The following TENM2 variants were observed in gnomAD, a reference collection of about 807,000 sequenced individuals.
The protein encoded by TENM2 is teneurin transmembrane protein 2.
TENM2 carries 52 observed loss-of-function variants against 245.2 expected under a neutral mutation model. The observed-to-expected ratio is 0.21, with a 90% CI of 0.17 to 0.27. The LOEUF (loss-of-function observed/expected upper bound fraction) is 0.27. Ranked by LOEUF, TENM2 falls within the 10% of genes least tolerant of loss-of-function variation. TENM2 has a pLI of 1.00. For synonymous variants in TENM2, 1,363 were observed against 1,438.9 expected (o/e 0.95, Z 1.19); for missense variants, 3,046 against 3,666.8 (o/e 0.83, Z 4.37).
chr5:167,603,713 A>G (rs1174625638), intron 2 of TENM2, among the ~76,000 whole-genome samples: 1 of 152,158 alleles, frequency 6.6e-6, no homozygotes, highest in African/African-American at 2.4e-5. Context: ...AGTCTTTAAG[A>G]TCATAGAATC....
the TENM2 span, among the ~76,000 whole-genome samples, chr5:167,278,137 C>A: frequency 6.6e-6 from 1 of 151,848 alleles, no homozygotes; most frequent in Non-Finnish European, 1.5e-5. Context: ...AATTCCATCT[C>A]CATAAAAAAT....
At chr5:167,062,519 G>T in the TENM2 span, among the ~76,000 whole-genome samples, 1,123 of 147,846 alleles carry the variant, frequency 7.6e-3, 6 homozygotes, top group African/African-American at 0.027. Flanking sequence ...AAAAATCTGT[G>T]TCTGGTGAAA....
intron 2 of TENM2, among the ~76,000 whole-genome samples, chr5:167,534,357 T>G (rs995907816): frequency 3.3e-5 from 5 of 152,168 alleles, no homozygotes; most frequent in African/African-American, 1.2e-4. Flanking sequence ...ACCACTTTAA[T>G]GGACTGCAAA....
chr5:167,689,663 G>A (rs922746102), intron 2 of TENM2, among the ~76,000 whole-genome samples: 28 of 152,328 alleles, frequency 1.8e-4, no homozygotes, highest in African/African-American at 6.0e-4. Flanking sequence ...GAAGACTAGC[G>A]TAGCTGGAAT....
chr5:167,088,395 G>A, the TENM2 span, among the ~76,000 whole-genome samples: 1 of 152,126 alleles, frequency 6.6e-6, no homozygotes, highest in Admixed American at 6.5e-5. Flanking sequence ...GGGAGGCTGA[G>A]GATGGTGGAT....
At chr5:167,224,504 G>T in the TENM2 span, among the ~76,000 whole-genome samples, 1 of 151,946 alleles carries the variant, frequency 6.6e-6, no homozygotes, top group Non-Finnish European at 1.5e-5. Context: ...CTGTAAGTAT[G>T]TGGGCTTATT....
At chr5:167,114,377 GGAAA>G in the TENM2 span, among the ~76,000 whole-genome samples, 5 of 152,038 alleles carry the variant, frequency 3.3e-5, no homozygotes, top group African/African-American at 9.7e-5. Context: ...GTGAAAAATC[GGAAA>G]GAGTTAATTC....
rs572714819 is a variant in TENM2 at position 167,629,607 on chromosome 5, T to C, written c.503-246379T>C. Among the ~76,000 whole-genome samples the C allele has an allele frequency of 6.6e-5, 10 of 152,298 alleles. No homozygotes were observed. The East Asian group carries it at 1.5e-3, about 24-fold the overall frequency. On this transcript the variant is annotated intron_variant, in intron 2 of 28. Coordinates refer to ENST00000518659, the Ensembl canonical transcript of TENM2. The stretch of plus-strand genomic sequence containing the variant: ...CTTCACACTAGAACATAAAGCAAGA[T>C]AGTGTTTTCAAACTCTGAACACTTT...
chr5:167,940,036 T>A (rs2151761170), intron 3 of TENM2, among the ~76,000 whole-genome samples: 1 of 152,240 alleles, frequency 6.6e-6, no homozygotes, highest in African/African-American at 2.4e-5. Context: ...GCATTTGTTG[T>A]CGTGTTTGGA....
intron 26 of TENM2, among the ~76,000 whole-genome samples, chr5:168,246,217 T>C (rs1448096531): frequency 2.0e-5 from 3 of 147,414 alleles, no homozygotes; most frequent in African/African-American, 7.5e-5. Flanking sequence ...GCCTGGGTGA[T>C]GGAGTGAGAC....
chr5:167,764,800 T>C (rs139643333), intron 2 of TENM2, among the ~76,000 whole-genome samples: 58 of 152,170 alleles, frequency 3.8e-4, no homozygotes, highest in Admixed American at 7.2e-4. Context: ...CCCCTGAGTC[T>C]CCCCTCTGCC....
At chr5:167,245,101 G>T in the TENM2 span, among the ~76,000 whole-genome samples, 1 of 152,032 alleles carries the variant, frequency 6.6e-6, no homozygotes, top group African/African-American at 2.4e-5. Context: ...TGGTTTCCAT[G>T]GTTTCTTCCC....
At chr5:167,865,393 C>T (rs768581950) in intron 2 of TENM2, among the ~76,000 whole-genome samples, 66 of 152,202 alleles carry the variant, frequency 4.3e-4, no homozygotes, top group Middle Eastern at 6.8e-3. Flanking sequence ...CCCACCTCAG[C>T]CCCCCAAGTA....
intron 13 of TENM2, among the ~76,000 whole-genome samples, chr5:168,172,321 G>A (rs1006260385): frequency 6.6e-6 from 1 of 152,138 alleles, no homozygotes; most frequent in East Asian, 1.9e-4. Flanking sequence ...AGTGTCCATG[G>A]GCCTGATTTG....
chr5:167,446,631 T>A (rs919003105), intron 2 of TENM2, among the ~76,000 whole-genome samples: 2 of 152,202 alleles, frequency 1.3e-5, no homozygotes, highest in African/African-American at 4.8e-5. Flanking sequence ...CCCAACATAT[T>A]TTGTTATGAA....
At chr5:167,694,481 T>A (rs1757634206) in intron 2 of TENM2, among the ~76,000 whole-genome samples, 1 of 152,252 alleles carries the variant, frequency 6.6e-6, no homozygotes, top group Admixed American at 6.5e-5. Flanking sequence ...GTGCCTGTGT[T>A]TGACGAATTA....
At chr5:167,713,899 T>C (rs972569332) in intron 2 of TENM2, among the ~76,000 whole-genome samples, 1 of 152,214 alleles carries the variant, frequency 6.6e-6, no homozygotes, top group Admixed American at 6.5e-5. Context: ...TATTATATAG[T>C]TCATCATTGT....
At chr5:167,019,510 G>A in the TENM2 span, among the ~76,000 whole-genome samples, 3 of 151,862 alleles carry the variant, frequency 2.0e-5, no homozygotes, top group East Asian at 1.9e-4. Flanking sequence ...TCGCTCTGTC[G>A]CCCAGGCTGG....
At chr5:168,168,506 C>A (rs1443569789) in intron 13 of TENM2, among the ~76,000 whole-genome samples, 1 of 151,922 alleles carries the variant, frequency 6.6e-6, no homozygotes, top group Non-Finnish European at 1.5e-5. Context: ...ATGGTGAAAC[C>A]CCATCTCTAC....
Sources: gnomAD v4.1 joint callset for allele counts (sites outside exome capture counted in the v4.1 genomes callset) on GRCh38, gnomAD v4.1.1 for gene constraint, MANE v1.5 for transcripts, NCBI Gene and HGNC (gene_info 2026-07-23, HGNC 2026-07-21) for gene names.